Variants in TMPRSS7 observed in about 807,000 individuals in gnomAD.
TMPRSS7 encodes transmembrane serine protease 7.
A neutral mutation model predicts 95.6 loss-of-function variants in TMPRSS7; 81 were observed. That is an observed-to-expected ratio of 0.85 (90% CI 0.71 to 1.02). The LOEUF is 1.02. TMPRSS7 is among the 50% of genes least tolerant of loss of function. The pLI is 0.00. For missense variants in TMPRSS7, 945 were observed against 955.2 expected, an observed-to-expected ratio of 0.99 and a Z score of 0.14; for synonymous variants, 364 against 337.8, an observed-to-expected ratio of 1.08 and a Z score of -0.85.
intron 4 of TMPRSS7, 39 bp downstream of exon 4, chr3:112,044,361 T>TGCCCAGGCTGGA: frequency 6.7e-7 from 1 of 1,494,218 alleles, no homozygotes; most frequent in Non-Finnish European, 9.1e-7. Flanking sequence ...CTGTGTTCAT[T>TGCCCAGGCTGGA]GTTCTAAAGT....
At chr3:112,060,292 T>C (rs559271808) in intron 10 of TMPRSS7, among the ~76,000 whole-genome samples, 130 of 152,318 alleles carry the variant, frequency 8.5e-4, no homozygotes, top group African/African-American at 3.0e-3. Context: ...CACATTGTCA[T>C]TGATAACATC....
chr3:112,053,431 C>T (rs1309122759), intron 9 of TMPRSS7, among the ~76,000 whole-genome samples: 2 of 152,148 alleles, frequency 1.3e-5, no homozygotes, highest in African/African-American at 4.8e-5. Flanking sequence ...CTCTTGTCCA[C>T]TCAACAATGC....
exon 12 of TMPRSS7, chr3:112,063,568 C>T: frequency 6.2e-7 from 1 of 1,614,062 alleles, no homozygotes; most frequent in African/African-American, 1.3e-5. Context: ...GTTTATGTGT[C>T]CCTCAGGCCC....
chr3:112,072,222 T>C lies in TMPRSS7; in HGVS notation c.1667-2074T>C, dbSNP rs533284371. ...GTCAGGTCCCTCAGCTGCAGGTCTGTTGGAGTTTGCTAGAGGTCTACTCCA... is the reference window on the plus strand; with the variant it reads ...GTCAGGTCCCTCAGCTGCAGGTCTGCTGGAGTTTGCTAGAGGTCTACTCCA... On this transcript the variant is annotated intron_variant, in intron 13 of 17. Coordinates refer to ENST00000452346, the Ensembl canonical transcript of TMPRSS7. Among the ~76,000 whole-genome samples the C allele has an allele frequency of 1.5e-3, 234 of 152,354 alleles. 1 individual carries two copies. The highest frequency in any genetic ancestry group is 2.4e-3 in the Non-Finnish European group (160 of 68,008).
At chr3:112,066,647 CCTTGT>C in intron 13 of TMPRSS7, 145 bp downstream of exon 13, 2 of 699,646 alleles carry the variant, frequency 2.9e-6, no homozygotes, top group Non-Finnish European at 4.8e-6. Context: ...ACTGAAAGTC[CCTTGT>C]CTTGGGAACC....
At chr3:112,036,005 C>A (rs1227837742) in intron 1 of TMPRSS7, among the ~76,000 whole-genome samples, 2 of 152,154 alleles carry the variant, frequency 1.3e-5, no homozygotes, top group African/African-American at 4.8e-5. Context: ...TTCCTATAAA[C>A]CCACAACCCT....
At chr3:112,048,986 T>G (rs996236812) in intron 7 of TMPRSS7, among the ~76,000 whole-genome samples, 3 of 152,222 alleles carry the variant, frequency 2.0e-5, no homozygotes, top group African/African-American at 7.2e-5. Context: ...GGCAGGGAAC[T>G]TAAGGCCAAT....
At chr3:112,076,034 G>A (rs750940153) in intron 15 of TMPRSS7, among the ~76,000 whole-genome samples, 2 of 151,938 alleles carry the variant, frequency 1.3e-5, no homozygotes, top group African/African-American at 2.4e-5. Flanking sequence ...TATAGGATTT[G>A]TGTTAATTAT....
intron 3 of TMPRSS7, 55 bp downstream of exon 3, chr3:112,042,105 G>A (rs1231811503): frequency 6.9e-6 from 10 of 1,449,810 alleles, no homozygotes; most frequent in Non-Finnish European, 9.5e-6. Context: ...GGGGAGGTGG[G>A]GGATGAAGCT....
In TMPRSS7 at chr3:112,078,817, G is replaced by A. The variant is rs774284280; in HGVS notation, c.2300G>A (p.Gly767Glu). The change falls in exon 17 of 18, where the codon GGG becomes GAG. Residue 767 changes from glycine to glutamate, a missense_variant. Coordinates refer to ENST00000452346, the Ensembl canonical transcript of TMPRSS7. ...CAAACGCTCTGTGTTTCCACCTACG[G>A]GATCATCACTTCTCGGATGCTCTGT... 3 of 1,614,108 alleles carry A rather than the reference G, an allele frequency of 1.9e-6. No homozygotes were observed. In the South Asian group the frequency reaches 3.3e-5, roughly 18 times the overall value.
At chr3:112,075,260 C>T in intron 14 of TMPRSS7, 61 bp from the exon 15 acceptor site, 1 of 1,364,302 alleles carries the variant, frequency 7.3e-7, no homozygotes, top group Non-Finnish European at 9.5e-7. Flanking sequence ...CTAAAACTGG[C>T]TTAACTTCTA....
intron 17 of TMPRSS7, among the ~76,000 whole-genome samples, chr3:112,079,772 C>T (rs895690210): frequency 2.6e-5 from 4 of 152,118 alleles, no homozygotes; most frequent in South Asian, 2.1e-4. Flanking sequence ...GTGGCAAGCA[C>T]CGTGCTAGGT....
intron 1 of TMPRSS7, 100 bp downstream of exon 1, chr3:112,034,993 A>G (rs2073141341): frequency 1.5e-6 from 1 of 655,876 alleles, no homozygotes; most frequent in African/African-American, 1.8e-5. Flanking sequence ...TAAAGGAAAC[A>G]ATAATAAAAT....
Position 112,042,058 on chromosome 3 carries a change from G to T in TMPRSS7, c.429+8G>T. ...CGGACTGTGCAGCAAGTGGTGAGGCGATGGAGGTAGAGGGTATTAGGGTAG... is the reference window on the plus strand; with the variant it reads ...CGGACTGTGCAGCAAGTGGTGAGGCTATGGAGGTAGAGGGTATTAGGGTAG... On this transcript the variant is annotated splice_region_variant and intron_variant, in intron 3 of 17. Coordinates refer to ENST00000452346, the Ensembl canonical transcript of TMPRSS7. 3 of 1,550,958 alleles carry T rather than the reference G, an allele frequency of 1.9e-6. No homozygotes were observed. The highest frequency in any genetic ancestry group is 1.7e-6 in the Non-Finnish European group (2 of 1,146,380).
At chr3:112,080,548 C>T (rs3082393) in intron 17 of TMPRSS7, among the ~76,000 whole-genome samples, 1,400 of 95,998 alleles carry the variant, frequency 0.015, 22 homozygotes, top group African/African-American at 0.041. Context: ...CTACTACTAC[C>T]ACCACTACTA....
At chr3:112,076,222 C>G (rs2073708930) in intron 15 of TMPRSS7, among the ~76,000 whole-genome samples, 1 of 152,132 alleles carries the variant, frequency 6.6e-6, no homozygotes, top group African/African-American at 2.4e-5. Flanking sequence ...CTCTTTACCC[C>G]ACTGCTATGC....
At chr3:112,066,036 A>G (rs1390959932) in intron 12 of TMPRSS7, among the ~76,000 whole-genome samples, 7 of 152,178 alleles carry the variant, frequency 4.6e-5, no homozygotes, top group Admixed American at 3.9e-4. Context: ...CAATCTCAGG[A>G]CACTCTTATT....
At chr3:112,071,288 G>A (rs1006141691) in intron 13 of TMPRSS7, among the ~76,000 whole-genome samples, 3 of 152,156 alleles carry the variant, frequency 2.0e-5, no homozygotes, top group Admixed American at 6.5e-5. Context: ...TTCTTTTCTG[G>A]CTTGTAGGGT....
chr3:112,045,811 A>G, exon 5 of TMPRSS7: 1 of 1,551,650 alleles, frequency 6.4e-7, no homozygotes, highest in East Asian at 2.4e-5. Context: ...GCCACGTGCC[A>G]AAGGCCACAT....
Sources: allele counts gnomAD v4.1 joint callset (sites outside exome capture counted in the v4.1 genomes callset), GRCh38; gene constraint gnomAD v4.1.1; transcripts MANE v1.5; gene names NCBI Gene and HGNC (gene_info 2026-07-23, HGNC 2026-07-21).